MTURN: variants seen among roughly 807,000 people sequenced by gnomAD.
The protein encoded by MTURN is maturin, neural progenitor differentiation regulator homolog.
Under a neutral mutation model 14.9 loss-of-function variants are expected in MTURN, and 7 were observed. The observed-to-expected ratio is 0.47, with a 90% CI of 0.27 to 0.88. The LOEUF (loss-of-function observed/expected upper bound fraction) is 0.88, where lower values mean the gene tolerates loss of function less well. Ranked by LOEUF, MTURN falls within the 40% of genes least tolerant of loss-of-function variation. MTURN has a pLI of 0.14. For missense variants in MTURN, 151 were observed against 174.1 expected, an observed-to-expected ratio of 0.87 and a Z score of 0.75; for synonymous variants, 69 against 72.5, an observed-to-expected ratio of 0.95 and a Z score of 0.25.
chr7:30,141,138 T>C (rs1302995855), intron 1 of MTURN: 1 of 152,236 alleles, frequency 6.6e-6, no homozygotes, highest in Non-Finnish European at 1.5e-5. Context: ...CTTCCCACCA[T>C]GTGCAGTGGC....
At position 30,159,591 on chromosome 7, in the gene MTURN, A is replaced by G. The variant is rs946643517; in HGVS notation, c.*2043A>G. ...ATTATCATGTTAATGTTCTCTGTTT[A>G]TAAAAATTGAGTGGAGATAGATAGA... On this transcript the variant is annotated 3_prime_UTR_variant, in exon 3 of 3. Transcript: ENST00000324453. The G allele has an allele frequency of 6.6e-6, 1 of 152,664 alleles. No homozygotes were observed. The highest frequency in any genetic ancestry group is 1.9e-4 in the East Asian group (1 of 5,198). 9.5% of individuals were successfully genotyped at this position (152,664 alleles called of 1,614,324 possible).
intron 2 of MTURN, among the ~76,000 whole-genome samples, chr7:30,154,294 G>A (rs980176694): frequency 1.3e-5 from 2 of 152,062 alleles, no homozygotes; most frequent in Non-Finnish European, 2.9e-5. Flanking sequence ...ACACCCTCCC[G>A]CTAATGACCT....
chr7:30,139,614 T>C (rs566908295), intron 1 of MTURN, among the ~76,000 whole-genome samples: 1 of 152,260 alleles, frequency 6.6e-6, no homozygotes, highest in South Asian at 2.1e-4. Context: ...ACTGTACCAC[T>C]AAGAAGTGAC....
chr7:30,149,544 G>A (rs75570064), intron 2 of MTURN, among the ~76,000 whole-genome samples: 4,562 of 152,210 alleles, frequency 0.03, 93 homozygotes, highest in Middle Eastern at 0.082. Flanking sequence ...TCACAAACCC[G>A]AATAAAGGAC....
chr7:30,140,500 A>G (rs1296310568), intron 1 of MTURN, among the ~76,000 whole-genome samples: 1 of 151,808 alleles, frequency 6.6e-6, no homozygotes, highest in South Asian at 2.1e-4. Context: ...AGAAAATAGA[A>G]CTTATTTAAA....
At chr7:30,137,477 C>T (rs1293415904) in intron 1 of MTURN, 3 of 404,036 alleles carry the variant, frequency 7.4e-6, no homozygotes, top group Non-Finnish European at 1.5e-5. Context: ...TGAGGCCACC[C>T]AGATTTTAAA....
At position 30,160,177 on chromosome 7, in the gene MTURN, C is replaced by T. The variant is rs1054002168; in HGVS notation, c.*2629C>T. The T allele has an allele frequency of 3.9e-5, 6 of 152,412 alleles. No individual in the cohort carries two copies. Among genetic ancestry groups the T allele is most frequent in the Non-Finnish European group, 7.3e-5 (5 of 68,198 alleles). The allele number at this position is 152,412 out of a possible 1,614,324, so 9.4% of individuals were successfully genotyped here. A position where few individuals can be genotyped will look rare whatever the true frequency, so the allele number is the denominator to read the frequency against. On this transcript the variant is annotated 3_prime_UTR_variant, in exon 3 of 3. Coordinates refer to ENST00000324453, the MANE Select transcript of MTURN (RefSeq NM_152793.3). ...GAGTAAGGAGCAACAGTCAAGGAAA[C>T]TTTTAGGGATTCGAGAAGAAAATAC...
intron 1 of MTURN, among the ~76,000 whole-genome samples, chr7:30,139,929 C>G (rs1797022949): frequency 6.6e-6 from 1 of 152,146 alleles, no homozygotes; most frequent in Admixed American, 6.5e-5. Flanking sequence ...GCATGGCCAC[C>G]CTGCCTGGCT....
rs1797321688 is a variant in MTURN, at chr7:30,158,501, T to G, written c.*953T>G. The G allele has an allele frequency of 7.4e-6, 1 of 135,718 alleles. No homozygotes were observed. Among genetic ancestry groups the G allele is most frequent in the Admixed American group, 7.2e-5 (1 of 13,918 alleles). 8.4% of individuals were successfully genotyped at this position (135,718 alleles called of 1,614,324 possible). On this transcript the variant is annotated 3_prime_UTR_variant, in exon 3 of 3. Transcript: ENST00000324453. ...GAATCCTTCTTTACTTTTTAAGTCT[T>G]TTATTTAAAAAAAAAAAGTCAAAAA...
chr7:30,153,820 C>T (rs1044952406), intron 2 of MTURN, among the ~76,000 whole-genome samples: 15 of 152,142 alleles, frequency 9.9e-5, no homozygotes, highest in African/African-American at 2.7e-4. Context: ...CTGGTTCAAG[C>T]GATTCTCTCA....
chr7:30,144,765 A>G (rs1340122117), intron 1 of MTURN, among the ~76,000 whole-genome samples: 3 of 152,130 alleles, frequency 2.0e-5, no homozygotes, highest in African/African-American at 7.2e-5. Context: ...AAACCCTGCA[A>G]TGAGAAGAAA....
chr7:30,145,530 C>T (rs1392109692), intron 1 of MTURN, among the ~76,000 whole-genome samples: 6 of 152,062 alleles, frequency 3.9e-5, no homozygotes, highest in Non-Finnish European at 7.4e-5. Flanking sequence ...AATCTAAAAC[C>T]GATCTCCTCT....
chr7:30,139,767 A>G (rs1186651634), intron 1 of MTURN, among the ~76,000 whole-genome samples: 3 of 151,648 alleles, frequency 2.0e-5, no homozygotes, highest in East Asian at 1.9e-4. Context: ...TCCCTTGCAC[A>G]CTCTTTCTCT....
chr7:30,154,406 T>C (rs572636500), intron 2 of MTURN, among the ~76,000 whole-genome samples: 3 of 152,290 alleles, frequency 2.0e-5, no homozygotes, highest in African/African-American at 4.8e-5. Flanking sequence ...GTGTTTCTTA[T>C]AGATAAGGAG....
chr7:30,135,101 G>C lies in MTURN; in HGVS notation c.-36G>C. On this transcript the variant is annotated 5_prime_UTR_variant, in exon 1 of 3. Transcript: ENST00000324453. ...GGGAGGAGGGCGCCTAGGAGCGGGA[G>C]GGCGGGCGGCGGCGGGAGGCGGGCG... The C allele has an allele frequency of 2.9e-6, 4 of 1,399,678 alleles. No individual in the cohort carries two copies. The highest frequency in any genetic ancestry group is 3.8e-6 in the Non-Finnish European group (4 of 1,062,030). 86.7% of individuals were successfully genotyped at this position (1,399,678 alleles called of 1,614,324 possible). A position where few individuals can be genotyped will look rare whatever the true frequency, so the allele number is the denominator to read the frequency against.
chr7:30,146,396 G>A (rs1797130695), intron 2 of MTURN, 97 bp downstream of exon 2: 5 of 1,531,428 alleles, frequency 3.3e-6, no homozygotes, highest in East Asian at 2.3e-5. Context: ...AACCTGGGAT[G>A]ACTAATTGTT....
intron 1 of MTURN, among the ~76,000 whole-genome samples, chr7:30,136,448 T>G (rs889052832): frequency 4.6e-5 from 7 of 151,434 alleles, no homozygotes; most frequent in African/African-American, 1.7e-4. Flanking sequence ...TGGGCGGAGG[T>G]GGGGTGGTGC....
intron 2 of MTURN, among the ~76,000 whole-genome samples, chr7:30,150,833 C>T (rs1376773400): frequency 2.0e-5 from 3 of 152,310 alleles, no homozygotes; most frequent in East Asian, 3.9e-4. Context: ...GAAGGTAGAT[C>T]GGCTCTGCCC....
At chr7:30,150,191 C>T (rs975679220) in intron 2 of MTURN, among the ~76,000 whole-genome samples, 1 of 152,108 alleles carries the variant, frequency 6.6e-6, no homozygotes, top group African/African-American at 2.4e-5. Flanking sequence ...CAGTGCAGTG[C>T]GTTATCCACG....
Sources: allele counts gnomAD v4.1 joint callset (sites outside exome capture counted in the v4.1 genomes callset), GRCh38; gene constraint gnomAD v4.1.1; transcripts MANE v1.5; gene names NCBI Gene and HGNC (gene_info 2026-07-23, HGNC 2026-07-21).